The following GSK3B variants were observed in gnomAD, a reference collection of about 807,000 sequenced individuals.
The protein encoded by GSK3B is glycogen synthase kinase 3 beta.
Under a neutral mutation model 56.4 loss-of-function variants are expected in GSK3B, and 15 were observed. The observed-to-expected ratio is 0.27, with a 90% CI of 0.18 to 0.41. The LOEUF (loss-of-function observed/expected upper bound fraction) is 0.41. Ranked by LOEUF, GSK3B falls within the 10% of genes least tolerant of loss-of-function variation. The pLI is 1.00. For missense variants in GSK3B, 300 were observed against 513.4 expected (o/e 0.58, Z 4.02); for synonymous variants, 181 against 188.9 (o/e 0.96, Z 0.34).
intron 3 of GSK3B, among the ~76,000 whole-genome samples, chr3:119,937,718 AAAG>A (rs1458608139): frequency 2.0e-5 from 3 of 151,976 alleles, no homozygotes; most frequent in Non-Finnish European, 2.9e-5. Context: ...GGAGAACTAC[AAAG>A]AAGAAACTGA....
At chr3:119,917,658 TC>T (rs750526873) in intron 4 of GSK3B, among the ~76,000 whole-genome samples, 198 of 146,482 alleles carry the variant, frequency 1.4e-3, no homozygotes, top group Admixed American at 3.2e-3. Context: ...AAACGAGTTT[TC>T]TTTTTTTTTT....
intron 1 of GSK3B, among the ~76,000 whole-genome samples, chr3:120,039,780 T>C (rs1369242555): frequency 6.6e-6 from 1 of 152,256 alleles, no homozygotes; most frequent in Non-Finnish European, 1.5e-5. Flanking sequence ...CTGTGCTCCC[T>C]GTGCTTTTGC....
chr3:119,957,798 T>C (rs2107502224), intron 2 of GSK3B, among the ~76,000 whole-genome samples: 2 of 152,328 alleles, frequency 1.3e-5, no homozygotes, highest in Middle Eastern at 3.4e-3. Flanking sequence ...AAACCAGGTG[T>C]GTCAGATTCC....
intron 1 of GSK3B, among the ~76,000 whole-genome samples, chr3:120,064,796 GACAA>G (rs1320465558): frequency 3.9e-5 from 6 of 152,278 alleles, no homozygotes; most frequent in Non-Finnish European, 8.8e-5. Context: ...CTGGCATAAA[GACAA>G]ACATACAGAT....
intron 6 of GSK3B, among the ~76,000 whole-genome samples, chr3:119,910,844 T>G (rs1286501340): frequency 6.6e-6 from 1 of 152,232 alleles, no homozygotes; most frequent in East Asian, 1.9e-4. Context: ...TAACCACTAG[T>G]AGATTCCACC....
intron 3 of GSK3B, among the ~76,000 whole-genome samples, chr3:119,941,814 A>G (rs1310939742): frequency 1.3e-5 from 2 of 152,208 alleles, no homozygotes; most frequent in Non-Finnish European, 2.9e-5. Context: ...GAGGAGGCTT[A>G]TAAAAGTAAA....
At chr3:120,010,500 C>G (rs2057769210) in intron 1 of GSK3B, among the ~76,000 whole-genome samples, 1 of 152,164 alleles carries the variant, frequency 6.6e-6, no homozygotes, top group Non-Finnish European at 1.5e-5. Flanking sequence ...TACGTTATTT[C>G]AAACATAGTC....
intron 2 of GSK3B, among the ~76,000 whole-genome samples, chr3:119,976,419 C>T (rs561244973): frequency 3.3e-5 from 5 of 152,192 alleles, no homozygotes; most frequent in African/African-American, 9.6e-5. Context: ...CTGAGACATG[C>T]TACAACAGGA....
At chr3:119,988,682 A>G (rs1416396409) in intron 2 of GSK3B, among the ~76,000 whole-genome samples, 1 of 152,228 alleles carries the variant, frequency 6.6e-6, no homozygotes, top group African/African-American at 2.4e-5. Flanking sequence ...GGACCTCAAG[A>G]GGAAAGAAAT....
intron 7 of GSK3B, among the ~76,000 whole-genome samples, 158 bp from the exon 8 acceptor site, chr3:119,876,666 C>CA (rs1273358551): frequency 1.3e-5 from 2 of 152,106 alleles, no homozygotes; most frequent in African/African-American, 4.8e-5. Flanking sequence ...ATATGTCCCC[C>CA]AAAGCTCATG....
chr3:119,864,248 C>G (rs909376058), intron 8 of GSK3B, among the ~76,000 whole-genome samples: 1 of 151,180 alleles, frequency 6.6e-6, no homozygotes, highest in African/African-American at 2.4e-5. Context: ...GGGTTTTAAT[C>G]AAGGAGAAAA....
At chr3:120,028,563 A>G (rs2057948665) in intron 1 of GSK3B, among the ~76,000 whole-genome samples, 1 of 152,180 alleles carries the variant, frequency 6.6e-6, no homozygotes. Context: ...CATCTGAATG[A>G]GCTCCTCAGC....
intron 7 of GSK3B, among the ~76,000 whole-genome samples, chr3:119,892,525 C>G (rs1340239041): frequency 3.3e-5 from 5 of 152,188 alleles, no homozygotes; most frequent in South Asian, 2.1e-4. Flanking sequence ...GCTCAGACAT[C>G]TGGAATAATA....
chr3:120,043,800 A>C (rs1333028053), intron 1 of GSK3B, among the ~76,000 whole-genome samples: 1 of 152,200 alleles, frequency 6.6e-6, no homozygotes, highest in Non-Finnish European at 1.5e-5. Context: ...AAGAGTAAAG[A>C]CCAATGGATA....
At chr3:119,927,130 G>C (rs1450573506) in intron 3 of GSK3B, among the ~76,000 whole-genome samples, 1 of 152,088 alleles carries the variant, frequency 6.6e-6, no homozygotes, top group Non-Finnish European at 1.5e-5. Context: ...TTAAGTGTAA[G>C]GGCAATGGGC....
chr3:119,889,759 CAA>C (rs764751732), intron 7 of GSK3B, among the ~76,000 whole-genome samples: 1 of 152,012 alleles, frequency 6.6e-6, no homozygotes, highest in Non-Finnish European at 1.5e-5. Flanking sequence ...CAGAAATTGT[CAA>C]ACTCAATTAA....
At chr3:119,997,786 A>C (rs996057608) in intron 2 of GSK3B, among the ~76,000 whole-genome samples, 4 of 152,232 alleles carry the variant, frequency 2.6e-5, no homozygotes, top group African/African-American at 9.6e-5. Flanking sequence ...AAGAAAATCC[A>C]ATGTATATAT....
At chr3:119,864,169 G>A (rs1030599521) in intron 8 of GSK3B, among the ~76,000 whole-genome samples, 1 of 152,058 alleles carries the variant, frequency 6.6e-6, no homozygotes, top group Non-Finnish European at 1.5e-5. Context: ...AAAATGTCCT[G>A]CATTTTTTTT....
At chr3:119,962,375 C>CAAAAAAAAAAAAAAAAAAAAAA (rs71156779) in intron 2 of GSK3B, among the ~76,000 whole-genome samples, 1 of 120,490 alleles carries the variant, frequency 8.3e-6, no homozygotes, top group African/African-American at 3.2e-5. Flanking sequence ...AACTCTGTCT[C>CAAAAAAAAAAAAAAAAAAAAAA]AAAAAAAAAA....
Sources: allele counts gnomAD v4.1 joint callset (sites outside exome capture counted in the v4.1 genomes callset), GRCh38; gene constraint gnomAD v4.1.1; transcripts MANE v1.5; gene names NCBI Gene and HGNC (gene_info 2026-07-23, HGNC 2026-07-21).